The following PAFAH1B1 variants were observed in gnomAD, a reference collection of about 807,000 sequenced individuals.
PAFAH1B1 encodes platelet-activating factor acetylhydrolase IB subunit beta.
PAFAH1B1 carries 2 observed loss-of-function variants against 57.5 expected under a neutral mutation model. That is an observed-to-expected ratio of 0.03 (90% confidence interval 0.01 to 0.11). The LOEUF is 0.11. PAFAH1B1 is among the 10% of genes least tolerant of loss of function. The probability of loss-of-function intolerance (pLI) is 1.00; values close to 1 mark genes in which losing one functional copy is unlikely to be tolerated. For missense variants in PAFAH1B1, 257 were observed against 512.0 expected (o/e 0.50, Z 4.81); for synonymous variants, 152 against 169.6 (o/e 0.90, Z 0.81).
intron 1 of PAFAH1B1, among the ~76,000 whole-genome samples, chr17:2,598,685 A>G (rs1055177993): frequency 2.0e-5 from 3 of 151,922 alleles, no homozygotes; most frequent in Admixed American, 6.6e-5. Context: ...AGACAGACCT[A>G]CCGTTCTCCA....
intron 9 of PAFAH1B1, chr17:2,679,901 A>C: frequency 2.1e-6 from 1 of 465,124 alleles, no homozygotes; most frequent in Non-Finnish European, 3.9e-6. Flanking sequence ...TAGACTACAT[A>C]TTGAGATTTG....
At chr17:2,655,815 G>T (rs1327281356) in intron 2 of PAFAH1B1, among the ~76,000 whole-genome samples, 1 of 152,144 alleles carries the variant, frequency 6.6e-6, no homozygotes, top group Admixed American at 6.5e-5. Context: ...GGAAAGCAGT[G>T]CCACAAATAC....
At chr17:2,657,900 T>C (rs2068958970) in intron 2 of PAFAH1B1, among the ~76,000 whole-genome samples, 1 of 152,348 alleles carries the variant, frequency 6.6e-6, no homozygotes, top group Non-Finnish European at 1.5e-5. Flanking sequence ...ACATGTTTTA[T>C]AGTGAAATTT....
chr17:2,633,020 CTG>C (rs948011537), intron 1 of PAFAH1B1, among the ~76,000 whole-genome samples: 6 of 152,126 alleles, frequency 3.9e-5, no homozygotes, highest in Non-Finnish European at 5.9e-5. Context: ...CCAATATAAA[CTG>C]TAGTTATATA....
intron 5 of PAFAH1B1, among the ~76,000 whole-genome samples, chr17:2,669,729 G>C (rs962137982): frequency 1.3e-5 from 2 of 152,020 alleles, no homozygotes; most frequent in African/African-American, 4.8e-5. Flanking sequence ...ACAAATGCCT[G>C]CTATAGCCCT....
intron 6 of PAFAH1B1, among the ~76,000 whole-genome samples, chr17:2,670,890 A>G (rs1164615629): frequency 6.6e-6 from 1 of 152,202 alleles, no homozygotes; most frequent in Non-Finnish European, 1.5e-5. Flanking sequence ...AACCTCTTTC[A>G]TCTGCAAAAC....
intron 6 of PAFAH1B1, among the ~76,000 whole-genome samples, chr17:2,671,897 C>T (rs1207690167): frequency 6.6e-6 from 1 of 152,112 alleles, no homozygotes; most frequent in South Asian, 2.1e-4. Context: ...ACCACTGCGC[C>T]TGGCCCACCA....
intron 1 of PAFAH1B1, among the ~76,000 whole-genome samples, chr17:2,625,384 A>G (rs1016430730): frequency 6.6e-6 from 1 of 152,232 alleles, no homozygotes; most frequent in African/African-American, 2.4e-5. Flanking sequence ...GACTTTGGAA[A>G]GATTTGTGAA....
Position 2,681,828 on chromosome 17 carries a change from C to T in PAFAH1B1, c.*26C>T. ...TTGTGTCTCCTTCGGCCCCTCCTCCCTCTTTTCCTCTGGATGCACTCTGAT... is the reference window on the plus strand; with the variant it reads ...TTGTGTCTCCTTCGGCCCCTCCTCCTTCTTTTCCTCTGGATGCACTCTGAT... On this transcript the variant is annotated 3_prime_UTR_variant, in exon 11 of 11. Coordinates refer to ENST00000397195, the MANE Select transcript of PAFAH1B1 (RefSeq NM_000430.4). 1 of 1,555,600 alleles carries T rather than the reference C, an allele frequency of 6.4e-7. No homozygotes were observed. The highest frequency in any genetic ancestry group is 8.9e-7 in the Non-Finnish European group (1 of 1,129,286).
At chr17:2,658,275 A>G (rs961617299) in intron 2 of PAFAH1B1, among the ~76,000 whole-genome samples, 2 of 152,050 alleles carry the variant, frequency 1.3e-5, no homozygotes, top group Admixed American at 6.6e-5. Context: ...ACCTTTAAGT[A>G]TTTTAGTTTT....
intron 2 of PAFAH1B1, among the ~76,000 whole-genome samples, chr17:2,647,426 AT>A (rs1320940635): frequency 1.3e-5 from 2 of 151,920 alleles, no homozygotes; most frequent in African/African-American, 4.8e-5. Flanking sequence ...CTCAGCTACT[AT>A]TTTGAAGGCT....
At chr17:2,672,360 T>A (rs1209352702) in intron 6 of PAFAH1B1, among the ~76,000 whole-genome samples, 2 of 150,988 alleles carry the variant, frequency 1.3e-5, no homozygotes, top group African/African-American at 4.9e-5. Flanking sequence ...CTGAGGTAAG[T>A]ATATGAATAT....
intron 8 of PAFAH1B1, among the ~76,000 whole-genome samples, chr17:2,675,586 G>A (rs530342620): frequency 7.2e-5 from 11 of 151,780 alleles, no homozygotes; most frequent in African/African-American, 2.4e-4. Flanking sequence ...AGGATCACTT[G>A]AGCCCAGGAG....
chr17:2,641,834 C>T (rs1242706227), intron 2 of PAFAH1B1: 2 of 152,114 alleles, frequency 1.3e-5, no homozygotes, highest in East Asian at 3.9e-4. Flanking sequence ...AAAATACATG[C>T]ATGTATAAAT....
At chr17:2,631,242 C>CAA (rs1014173998) in intron 1 of PAFAH1B1, among the ~76,000 whole-genome samples, 2 of 130,470 alleles carry the variant, frequency 1.5e-5, no homozygotes, top group African/African-American at 5.7e-5. Context: ...TGCTCTGTCT[C>CAA]AAAAAAAAAA....
intron 1 of PAFAH1B1, among the ~76,000 whole-genome samples, chr17:2,629,701 T>C (rs193166397): frequency 6.6e-6 from 1 of 152,344 alleles, no homozygotes; most frequent in African/African-American, 2.4e-5. Flanking sequence ...CCCACTATTA[T>C]TGTGTTGCTG....
intron 1 of PAFAH1B1, among the ~76,000 whole-genome samples, chr17:2,627,544 TTTTGCTTAGTCTTAC>T (rs1184966242): frequency 6.6e-6 from 1 of 152,242 alleles, no homozygotes; most frequent in Non-Finnish European, 1.5e-5. Flanking sequence ...GATTTGTTCT[TTTTGCTTAGTCTTAC>T]TTTGGCTATG....
At chr17:2,681,428 G>A (rs2069383496) in intron 10 of PAFAH1B1, 2 of 272,856 alleles carry the variant, frequency 7.3e-6, no homozygotes, top group South Asian at 1.4e-4. Context: ...GACTTTCTTA[G>A]AATTTTGTGG....
chr17:2,626,219 A>T (rs1597530819), intron 1 of PAFAH1B1, among the ~76,000 whole-genome samples: 1 of 151,546 alleles, frequency 6.6e-6, no homozygotes, highest in Non-Finnish European at 1.5e-5. Context: ...ACGCCACTGC[A>T]CTCCAGCCTG....
Sources: allele counts gnomAD v4.1 joint callset (sites outside exome capture counted in the v4.1 genomes callset), GRCh38; gene constraint gnomAD v4.1.1; transcripts MANE v1.5; gene names NCBI Gene and HGNC (gene_info 2026-07-23, HGNC 2026-07-21).